CAMSAP3: variants seen among roughly 807,000 people sequenced by gnomAD.
CAMSAP3 encodes calmodulin regulated spectrin associated protein family member 3.
CAMSAP3 carries 34 observed loss-of-function variants against 112.5 expected under a neutral mutation model. The ratio of observed to expected loss-of-function variants is 0.30; its 90% confidence interval spans 0.23 to 0.40. The LOEUF is 0.40. Among genes scored for constraint, CAMSAP3 ranks in the 10% least tolerant of loss-of-function variants. The probability of loss-of-function intolerance (pLI) is 1.00; values close to 1 mark genes in which losing one functional copy is unlikely to be tolerated. For synonymous variants in CAMSAP3, 868 were observed against 799.8 expected, an observed-to-expected ratio of 1.09 and a Z score of -1.44; for missense variants, 1,602 against 1,770.3, an observed-to-expected ratio of 0.90 and a Z score of 1.71.
chr19:7,599,993 A>G (rs1599341111), intron 1 of CAMSAP3, among the ~76,000 whole-genome samples: 1 of 8,984 alleles, frequency 1.1e-4, no homozygotes, highest in East Asian at 3.8e-3. Flanking sequence ...CCACCCATCC[A>G]TCCACCCGCC....
Position 7,611,926 on chromosome 19 carries a change from C to G in CAMSAP3, c.1433C>G (p.Ala478Gly). The G allele has an allele frequency of 6.3e-7, 1 of 1,589,696 alleles. No homozygotes were observed. The highest frequency in any genetic ancestry group is 8.6e-7 in the Non-Finnish European group (1 of 1,165,986). The change falls in exon 11 of 17, where the codon GCG (alanine) becomes GGG (glycine). Residue 478 changes from alanine (A) to glycine (G), a missense_variant. Transcript: ENST00000160298. The surrounding 1 kb of genome is among the most constrained non-coding windows in gnomAD (Gnocchi z 6.9). ...SAEPRLLPDG[A>G]ADGSFYLHSP... ...GAGCCCCGGCTCCTCCCAGATGGGG[C>G]GGCCGACGGCAGCTTCTACCTCCAC...
At chr19:7,597,640 AGC>A (rs2024467221) in intron 1 of CAMSAP3, among the ~76,000 whole-genome samples, 3 of 152,336 alleles carry the variant, frequency 2.0e-5, no homozygotes, top group African/African-American at 7.2e-5. Context: ...GAGGCGTAAA[AGC>A]TGTAGTGACC....
rs1257073857 is a variant in CAMSAP3 at position 7,616,726 on chromosome 19, T to A, written c.3212+104T>A. ...AACCTAGAGGGCGGTATGGCTCGAG[T>A]TTATGGATACGCCATGAAGAGATGG... is the stretch of plus-strand genomic sequence containing the variant. On this transcript the variant is annotated intron_variant, in intron 14 of 16. Transcript: ENST00000160298. The A allele has an allele frequency of 6.3e-6, 5 of 789,372 alleles. No individual in the cohort carries two copies. In the East Asian group the frequency reaches 1.3e-4, roughly 21 times the overall value. The allele number at this position is 789,372 out of a possible 1,614,324, so 48.9% of individuals were successfully genotyped here. A position where few individuals can be genotyped will look rare whatever the true frequency, so the allele number is the denominator to read the frequency against.
At chr19:7,596,696 C>T (rs1401599391) in intron 1 of CAMSAP3, among the ~76,000 whole-genome samples, 1 of 151,660 alleles carries the variant, frequency 6.6e-6, no homozygotes, top group Non-Finnish European at 1.5e-5. Flanking sequence ...GGCCGCGCTG[C>T]GGGCGGCGAC....
intron 11 of CAMSAP3, among the ~76,000 whole-genome samples, chr19:7,613,781 C>A (rs760743376): frequency 6.6e-6 from 1 of 152,054 alleles, no homozygotes; most frequent in Admixed American, 6.5e-5. Context: ...GCCCCCAGCA[C>A]GCTCCTACCA....
intron 1 of CAMSAP3, among the ~76,000 whole-genome samples, chr19:7,596,522 T>A (rs2024446652): frequency 1.3e-5 from 2 of 152,076 alleles, no homozygotes; most frequent in African/African-American, 2.4e-5. Context: ...GCACGCCTTC[T>A]TCTCTTTTAC....
rs567477051 is a variant in CAMSAP3, at chr19:7,605,214, A to C, written c.149-12A>C. ...ACCCTGACCCCCGTGTTTCCCCTCT[A>C]TGCCCCCACAGAGCACGTGCCCCCG... On this transcript the variant is annotated splice_polypyrimidine_tract_variant and intron_variant, in intron 1 of 16. Transcript: ENST00000160298. The C allele has an allele frequency of 2.0e-4, 282 of 1,433,060 alleles. No individual in the cohort carries two copies. The highest frequency in any genetic ancestry group is 2.4e-4 in the Non-Finnish European group (260 of 1,083,658). 88.8% of individuals were successfully genotyped at this position (1,433,060 alleles called of 1,614,324 possible).
chr19:7,605,378 C>G lies in CAMSAP3; in HGVS notation c.301C>G (p.Pro101Ala), dbSNP rs746301071. ...GCCACAGCTTGAAACACCCCCCAACCCCTCTGCACTGCTGGCCCTGCTGGC... is the reference window on the plus strand; with the variant it reads ...GCCACAGCTTGAAACACCCCCCAACGCCTCTGCACTGCTGGCCCTGCTGGC... ...ALPQLETPPN[P>A]SALLALLARR... The change falls in exon 2 of 17, where the codon CCC becomes GCC. Residue 101 changes from proline (P) to alanine (A), a missense_variant. Transcript: ENST00000160298. The G allele has an allele frequency of 6.4e-7, 1 of 1,571,974 alleles. No individual in the cohort carries two copies.
intron 11 of CAMSAP3, chr19:7,614,899 T>G (rs988788198): frequency 9.1e-6 from 5 of 551,914 alleles, no homozygotes; most frequent in Non-Finnish European, 1.6e-5. Context: ...AGAGTGTCTG[T>G]GCCCAACACG....
At position 7,612,232 on chromosome 19, in the gene CAMSAP3, A is replaced by G. The variant is rs764903229; in HGVS notation, c.1739A>G (p.Glu580Gly). The change falls in exon 11 of 17, where the codon GAG becomes GGG. Residue 580 changes from glutamate (E) to glycine (G), a missense_variant. Physicochemically the swap from Glu to Gly is moderately conservative, Grantham distance 98 (BLOSUM62 -2). Coordinates refer to ENST00000160298, the MANE Select transcript of CAMSAP3 (RefSeq NM_020902.2). ...AAACAGCTGGTGAAGGCAGAGGCTG[A>G]GGCCGGAGCGGGGTCCCCCACGTCC... ...RKKQLVKAEAEAGAGSPTSTP... is the reference protein window; with the variant it reads ...RKKQLVKAEAGAGAGSPTSTP... 2.5e-6 allele frequency: 4 copies of G among 1,592,186 alleles called. No individual in the cohort carries two copies. Among genetic ancestry groups the G allele is most frequent in the Middle Eastern group, 3.3e-4 (2 of 6,028 alleles).
At position 7,612,278 on chromosome 19, in the gene CAMSAP3, C is replaced by A. The variant is rs1162626993; in HGVS notation, c.1785C>A (p.Ala595=). ...SPTSTPAPPE[A]LSSEMSELSA... ...CGTCCACTCCGGCCCCGCCGGAGGC[C>A]CTGAGCTCGGAGATGAGTGAGCTCA... Residue 595 remains alanine (A), a synonymous_variant, in exon 11 of 17, where the codon GCC becomes GCA. Coordinates refer to ENST00000160298, the MANE Select transcript of CAMSAP3 (RefSeq NM_020902.2). 5.6e-6 allele frequency: 9 copies of A among 1,599,274 alleles called. No homozygotes were observed. Among genetic ancestry groups the A allele is most frequent in the Non-Finnish European group, 7.7e-6 (9 of 1,173,634 alleles).
chr19:7,607,995 A>C lies in CAMSAP3; in HGVS notation c.622-131A>C. The stretch of plus-strand genomic sequence containing the variant: ...CTCCCCTGCTCCAGGCTGGCCCCCC[A>C]ACTCTGTCTCTGGGACCCCCAGCTT... On this transcript the variant is annotated intron_variant, in intron 4 of 16. Coordinates refer to ENST00000160298, the MANE Select transcript of CAMSAP3 (RefSeq NM_020902.2). This position sits in a 1 kb window ranked among gnomAD's most constrained non-coding sequence, Gnocchi z 4.9. 1 of 1,156,268 alleles carries C rather than the reference A, an allele frequency of 8.6e-7. No individual in the cohort carries two copies. The highest frequency in any genetic ancestry group is 1.3e-6 in the Non-Finnish European group (1 of 799,846). The allele number at this position is 1,156,268 out of a possible 1,614,324, so 71.6% of individuals were successfully genotyped here. A position where few individuals can be genotyped will look rare whatever the true frequency, so the allele number is the denominator to read the frequency against.
At position 7,605,222 on chromosome 19, in the gene CAMSAP3, A is replaced by G. The variant is rs367824895; in HGVS notation, c.149-4A>G. ...CCCCGTGTTTCCCCTCTATGCCCCC[A>G]CAGAGCACGTGCCCCCGGAGCTGTG... is the stretch of plus-strand genomic sequence containing the variant. On this transcript the variant is annotated splice_polypyrimidine_tract_variant and splice_region_variant and intron_variant, in intron 1 of 16. Coordinates refer to ENST00000160298, the MANE Select transcript of CAMSAP3 (RefSeq NM_020902.2). 69 of 1,498,450 alleles carry G rather than the reference A, an allele frequency of 4.6e-5. No individual in the cohort carries two copies. In the African/African-American group the frequency reaches 9.3e-4, roughly 20 times the overall value. The allele number at this position is 1,498,450 out of a possible 1,614,324, so 92.8% of individuals were successfully genotyped here.
Position 7,617,768 on chromosome 19 carries a change from A to G in CAMSAP3, c.3461A>G (p.Lys1154Arg), listed in dbSNP as rs1436985584. The part of the protein sequence containing the change: ...NRILEEIEKS[K>R]ANHFLILFRD... ...CCTGCCCAGGAAATTGAGAAAAGCA[A>G]GGCCAACCACTTCCTGATCCTCTTT... The change falls in exon 17 of 17, where the codon AAG (lysine) becomes AGG (arginine). Residue 1154 changes from lysine to arginine, a missense_variant. Lys to Arg is a conservative substitution (Grantham distance 26, BLOSUM62 2). Coordinates refer to ENST00000160298, the MANE Select transcript of CAMSAP3 (RefSeq NM_020902.2). This position sits in a 1 kb window ranked among gnomAD's most constrained non-coding sequence, Gnocchi z 7.5. The G allele has an allele frequency of 3.1e-6, 5 of 1,612,158 alleles. No individual in the cohort carries two copies. In the African/African-American group the frequency reaches 6.7e-5, roughly 22 times the overall value.
rs1229197969 is a variant in CAMSAP3, at chr19:7,618,084, G to A, written c.*27G>A. On this transcript the variant is annotated 3_prime_UTR_variant, in exon 17 of 17. Transcript: ENST00000160298. ...CCCACCCGGGCGGTCCACGGGCCGG[G>A]CCCTGTGTGCTGCGGCCGCCATCCC... is the stretch of plus-strand genomic sequence containing the variant. The A allele has an allele frequency of 4.4e-6, 7 of 1,594,674 alleles. No individual in the cohort carries two copies. In the East Asian group the frequency reaches 1.6e-4, roughly 36 times the overall value.
At chr19:7,608,038 G>A (rs2030305443) in intron 4 of CAMSAP3, 88 bp from the exon 5 acceptor site, 1 of 1,513,564 alleles carries the variant, frequency 6.6e-7, no homozygotes, top group South Asian at 1.2e-5. Flanking sequence ...CCTCATGGCG[G>A]AAACCCCAGG....
Position 7,618,151 on chromosome 19 carries a change from C to T in CAMSAP3, c.*94C>T. Reference sequence around the variant, plus strand: ...CGGTATTCCTGGGTCCTGTCTGTCCCCAACCGTGTCTGGGTGGGGCTGGAG... The same window carrying T: ...CGGTATTCCTGGGTCCTGTCTGTCCTCAACCGTGTCTGGGTGGGGCTGGAG... On this transcript the variant is annotated 3_prime_UTR_variant, in exon 17 of 17. Transcript: ENST00000160298. 1 of 1,382,692 alleles carries T rather than the reference C, an allele frequency of 7.2e-7. No homozygotes were observed. Among genetic ancestry groups the T allele is most frequent in the Non-Finnish European group, 9.8e-7 (1 of 1,021,490 alleles). 85.7% of individuals were successfully genotyped at this position (1,382,692 alleles called of 1,614,324 possible).
intron 13 of CAMSAP3, chr19:7,616,288 G>A: frequency 2.0e-6 from 1 of 489,558 alleles, no homozygotes; most frequent in East Asian, 3.5e-5. Context: ...GAACCTTTGG[G>A]AGTATGTTTG....
At chr19:7,605,505 C>T in intron 2 of CAMSAP3, 26 bp downstream of exon 2, 1 of 1,444,252 alleles carries the variant, frequency 6.9e-7, no homozygotes, top group Non-Finnish European at 9.1e-7. Flanking sequence ...GCCTGTTAGA[C>T]CACGCCTACC....
Sources: allele counts gnomAD v4.1 joint callset (sites outside exome capture counted in the v4.1 genomes callset), GRCh38; gene constraint gnomAD v4.1.1; non-coding constraint Gnocchi (gnomAD v3.1); transcripts MANE v1.5; gene names NCBI Gene and HGNC (gene_info 2026-07-23, HGNC 2026-07-21).